Variants in N4BP1 observed in about 807,000 individuals in gnomAD.
N4BP1 encodes NEDD4-binding protein 1.
N4BP1 carries 21 observed loss-of-function variants against 70.9 expected under a neutral mutation model. The observed-to-expected ratio is 0.30, with a 90% CI of 0.21 to 0.43. The LOEUF is 0.43. Among genes scored for constraint, N4BP1 ranks in the 20% least tolerant of loss-of-function variants. The pLI, the probability that N4BP1 is intolerant of heterozygous loss-of-function variation, is 1.00. For synonymous variants in N4BP1, 387 were observed against 394.6 expected (o/e 0.98, Z 0.23); for missense variants, 936 against 1,069.4 (o/e 0.88, Z 1.74).
At chr16:48,583,210 T>C (rs1248156346) in intron 1 of N4BP1, among the ~76,000 whole-genome samples, 2 of 152,106 alleles carry the variant, frequency 1.3e-5, no homozygotes, top group African/African-American at 4.8e-5. Context: ...ATATAAACAA[T>C]GGAATGCTTA....
At chr16:48,585,747 G>A (rs544300424) in intron 1 of N4BP1, among the ~76,000 whole-genome samples, 6 of 151,690 alleles carry the variant, frequency 4.0e-5, no homozygotes, top group Non-Finnish European at 8.8e-5. Flanking sequence ...CCAAGCTGGC[G>A]TGCAGTGGCA....
rs139544881 is a variant in N4BP1, at chr16:48,599,858, G to A, written c.198+9917C>T. ...TAAAGGCCTGATGGCTGGAGCTGCA[G>A]TGGTCATTTTGTGACCATAAGGGTA... On this transcript the variant is annotated intron_variant, in intron 1 of 6. Coordinates refer to ENST00000262384, the MANE Select transcript of N4BP1 (RefSeq NM_153029.4). Among the ~76,000 whole-genome samples, 214 of 152,272 alleles carry A rather than the reference G, an allele frequency of 1.4e-3. 1 individual carries two copies. The highest frequency in any genetic ancestry group is 9.1e-3 in the South Asian group (44 of 4,826).
intron 1 of N4BP1, among the ~76,000 whole-genome samples, chr16:48,605,161 T>C (rs1006261612): frequency 2.0e-5 from 3 of 152,060 alleles, no homozygotes; most frequent in African/African-American, 4.8e-5. Context: ...GCCTCCTGAG[T>C]AGCTGGGATT....
rs776970232 is a variant in N4BP1, at chr16:48,548,017, T to A, written c.2215A>T (p.Ile739Phe). The change falls in exon 5 of 7, where the codon ATT (isoleucine) becomes TTT (phenylalanine). Residue 739 changes from isoleucine (I) to phenylalanine (F), a missense_variant. Transcript: ENST00000262384. Reference protein sequence around the residue: ...VNESVSWREIITKRLLQYTFV... With the variant: ...VNESVSWREIFTKRLLQYTFV... Reference sequence around the variant, plus strand: ...AGAAGAAAATATTACCTTTTTGTAATAATTTCTCTCCAAGAGACTGACTCA... The same window carrying A: ...AGAAGAAAATATTACCTTTTTGTAAAAATTTCTCTCCAAGAGACTGACTCA... 6 of 1,571,668 alleles carry A rather than the reference T, an allele frequency of 3.8e-6. No homozygotes were observed. In the South Asian group the frequency reaches 6.8e-5, roughly 18 times the overall value.
At chr16:48,546,623 G>A (rs192257318) in intron 5 of N4BP1, 1 of 163,690 alleles carries the variant, frequency 6.1e-6, no homozygotes, top group Admixed American at 6.4e-5. Flanking sequence ...TTTAATTTTT[G>A]AATAAAACTG....
chr16:48,553,796 ACATTTTTGG>A, intron 2 of N4BP1, 127 bp from the exon 3 acceptor site: 1 of 868,914 alleles, frequency 1.2e-6, no homozygotes, highest in Non-Finnish European at 1.6e-6. Context: ...TAATATTCTT[ACATTTTTGG>A]CATTTAGTTG....
At chr16:48,596,387 C>T (rs1226724228) in intron 1 of N4BP1, among the ~76,000 whole-genome samples, 3 of 152,126 alleles carry the variant, frequency 2.0e-5, no homozygotes, top group South Asian at 4.1e-4. Flanking sequence ...GCCTGGCTTG[C>T]GTGAGTACAC....
intron 1 of N4BP1, among the ~76,000 whole-genome samples, chr16:48,586,698 T>A (rs551309120): frequency 6.6e-6 from 1 of 152,326 alleles, no homozygotes; most frequent in East Asian, 1.9e-4. Context: ...TAAAGGTCCC[T>A]GGGAAATCAC....
At chr16:48,554,749 G>C (rs1963726548) in intron 2 of N4BP1, among the ~76,000 whole-genome samples, 1 of 152,212 alleles carries the variant, frequency 6.6e-6, no homozygotes, top group African/African-American at 2.4e-5. Flanking sequence ...TACTTCACTT[G>C]AAAGTCCTGC....
At chr16:48,580,177 G>C (rs1161405108) in intron 1 of N4BP1, among the ~76,000 whole-genome samples, 2 of 151,882 alleles carry the variant, frequency 1.3e-5, no homozygotes, top group African/African-American at 4.8e-5. Context: ...TTTATGAAAA[G>C]GTTTTAAAAA....
At chr16:48,557,862 C>A (rs1403879415) in intron 2 of N4BP1, among the ~76,000 whole-genome samples, 1 of 152,150 alleles carries the variant, frequency 6.6e-6, no homozygotes, top group Non-Finnish European at 1.5e-5. Context: ...AGGTAGTTCA[C>A]TGAACAGAAG....
intron 6 of N4BP1, among the ~76,000 whole-genome samples, chr16:48,544,612 G>A (rs1043808920): frequency 3.9e-5 from 6 of 152,144 alleles, no homozygotes; most frequent in Admixed American, 6.5e-5. Flanking sequence ...TATGAAAACA[G>A]AAACAACCAC....
chr16:48,569,571 T>C (rs1963987335), intron 1 of N4BP1, among the ~76,000 whole-genome samples: 1 of 152,118 alleles, frequency 6.6e-6, no homozygotes, highest in African/African-American at 2.4e-5. Flanking sequence ...TTTGTATTTT[T>C]TGAAGAGATA....
intron 1 of N4BP1, among the ~76,000 whole-genome samples, chr16:48,592,063 A>G (rs1964347721): frequency 6.6e-6 from 1 of 152,136 alleles, no homozygotes; most frequent in Admixed American, 6.5e-5. Context: ...GCTCTTGGCC[A>G]CCTGGAAGGT....
intron 6 of N4BP1, among the ~76,000 whole-genome samples, chr16:48,543,640 T>C (rs2151084038): frequency 6.6e-6 from 1 of 152,294 alleles, no homozygotes; most frequent in South Asian, 2.1e-4. Context: ...GGACCCTGAT[T>C]AATAGAAATT....
At chr16:48,552,736 A>AAAAAAAAAAAAC (rs1963693762) in intron 3 of N4BP1, among the ~76,000 whole-genome samples, 1 of 145,268 alleles carries the variant, frequency 6.9e-6, no homozygotes, top group South Asian at 2.2e-4. Context: ...AAAAAAAAAA[A>AAAAAAAAAAAAC]AAGACTCCTT....
chr16:48,582,676 A>G (rs1029003461), intron 1 of N4BP1, among the ~76,000 whole-genome samples: 3 of 152,070 alleles, frequency 2.0e-5, no homozygotes, highest in African/African-American at 7.2e-5. Context: ...AATCTTTATC[A>G]TGGGTATCTA....
intron 1 of N4BP1, among the ~76,000 whole-genome samples, chr16:48,588,233 A>G (rs1475718828): frequency 6.6e-6 from 1 of 152,112 alleles, no homozygotes; most frequent in East Asian, 1.9e-4. Flanking sequence ...AAAATTACAA[A>G]AATCCTGAAA....
At chr16:48,553,131 T>C (rs954673765) in intron 3 of N4BP1, among the ~76,000 whole-genome samples, 1 of 152,220 alleles carries the variant, frequency 6.6e-6, no homozygotes, top group Admixed American at 6.5e-5. Context: ...GAGTACTTTA[T>C]GGTTAACGGA....
Sources: allele counts gnomAD v4.1 joint callset (sites outside exome capture counted in the v4.1 genomes callset), GRCh38; gene constraint gnomAD v4.1.1; transcripts MANE v1.5; gene names NCBI Gene and HGNC (gene_info 2026-07-23, HGNC 2026-07-21).